Variants in DCAF8L1 observed in about 807,000 individuals in gnomAD.
DCAF8L1 encodes DDB1 and CUL4 associated factor 8 like 1, also known as DDB1- and CUL4-associated factor 8-like protein 1.
For missense variants in DCAF8L1, 434 were observed against 481.6 expected (o/e 0.90, Z 0.92); for synonymous variants, 217 against 186.8 (o/e 1.16, Z -1.32).
At position 27,980,512 on chromosome X, in the gene DCAF8L1, A is replaced by G. The variant is rs748685130; in HGVS notation, c.823T>C (p.Tyr275His). ...GCCACACGCTTAGTATTCTCGCAAT[A>G]TGATGCATTAATTAGTTCTGCTACC... ...VRVAELINAS[Y>H]CENTKRVAKH... Residue 275 changes from tyrosine (Y) to histidine (H), a missense_variant, in exon 1 of 1, where the codon TAT (tyrosine) becomes CAT (histidine). Tyr to His is a moderately conservative substitution (Grantham distance 83). Transcript: ENST00000441525. 7 of 1,211,880 alleles carry G rather than the reference A, an allele frequency of 5.8e-6. No homozygotes were observed. In the Admixed American group the frequency reaches 1.5e-4, roughly 26 times the overall value.
At position 27,978,551 on chromosome X, in the gene DCAF8L1, A is replaced by G. The variant is rs1926572235; in HGVS notation, c.*981T>C. The G allele has an allele frequency of 7.4e-6, 1 of 135,675 alleles. No individual in the cohort carries two copies. Among genetic ancestry groups the G allele is most frequent in the African/African-American group, 3.1e-5 (1 of 31,811 alleles). 11.2% of individuals were successfully genotyped at this position (135,675 alleles called of 1,213,427 possible). ...GAATGTAATCCTGTGGGAGTTCCCA[A>G]CCATAAAACTTCAAGAACATTTAAT... On this transcript the variant is annotated 3_prime_UTR_variant, in exon 1 of 1. Transcript: ENST00000441525.
Position 27,980,737 on chromosome X carries a change from T to C in DCAF8L1, c.598A>G (p.Ser200Gly). The change falls in exon 1 of 1, where the codon AGT (serine) becomes GGT (glycine). Residue 200 changes from serine to glycine, a missense_variant. Physicochemically the swap from Ser to Gly is moderately conservative, Grantham distance 56. Transcript: ENST00000441525. The part of the protein sequence containing the change: ...YLLGSHAGSV[S>G]TIHFNQRGTR... Reference sequence around the variant, plus strand: ...CCACGCTGGTTAAAGTGTATGGTACTGACAGAACCGGCATGGCTTCCAAGA... The same window carrying C: ...CCACGCTGGTTAAAGTGTATGGTACCGACAGAACCGGCATGGCTTCCAAGA... The C allele has an allele frequency of 8.3e-7, 1 of 1,210,946 alleles. No individual in the cohort carries two copies. The highest frequency in any genetic ancestry group is 1.1e-6 in the Non-Finnish European group (1 of 894,978).
chrX:27,978,875 A>T lies in DCAF8L1; in HGVS notation c.*657T>A. On this transcript the variant is annotated 3_prime_UTR_variant, in exon 1 of 1. Coordinates refer to ENST00000441525, the MANE Select transcript of DCAF8L1 (RefSeq NM_001017930.2). Reference sequence around the variant, plus strand: ...AAAATCACAATTAACCAGATGATGAAGAGTGAATTTCTTGAGTACTCCATT... The same window carrying T: ...AAAATCACAATTAACCAGATGATGATGAGTGAATTTCTTGAGTACTCCATT... 1 of 878,567 alleles carries T rather than the reference A, an allele frequency of 1.1e-6. No homozygotes were observed. The highest frequency in any genetic ancestry group is 1.7e-6 in the Non-Finnish European group (1 of 602,842). 72.4% of individuals were successfully genotyped at this position (878,567 alleles called of 1,213,427 possible).
chrX:27,980,792 G>A lies in DCAF8L1; in HGVS notation c.543C>T (p.Thr181=). The part of the protein sequence containing the change: ...RFVYEACGAR[T]FVQRFRLQYL... Reference sequence around the variant, plus strand: ...ACTGCAGGCGGAAACGCTGCACAAAGGTTCTTGCCCCACAGGCCTCATATA... The same window carrying A: ...ACTGCAGGCGGAAACGCTGCACAAAAGTTCTTGCCCCACAGGCCTCATATA... Residue 181 remains threonine, a synonymous_variant, in exon 1 of 1, where the codon ACC becomes ACT. Coordinates refer to ENST00000441525, the MANE Select transcript of DCAF8L1 (RefSeq NM_001017930.2). 1 of 1,209,443 alleles carries A rather than the reference G, an allele frequency of 8.3e-7. No homozygotes were observed. The highest frequency in any genetic ancestry group is 1.8e-5 in the South Asian group (1 of 56,552).
Position 27,978,855 on chromosome X carries a change from C to T in DCAF8L1, c.*677G>A, listed in dbSNP as rs750470650. On this transcript the variant is annotated 3_prime_UTR_variant, in exon 1 of 1. Coordinates refer to ENST00000441525, the MANE Select transcript of DCAF8L1 (RefSeq NM_001017930.2). ...ATGCAGGTGATGTTTGTTGGAAAATCACAATTAACCAGATGATGAAGAGTG... is the reference window on the plus strand; with the variant it reads ...ATGCAGGTGATGTTTGTTGGAAAATTACAATTAACCAGATGATGAAGAGTG... 1.3e-5 allele frequency: 12 copies of T among 902,197 alleles called. No homozygotes were observed. Among genetic ancestry groups the T allele is most frequent in the Non-Finnish European group, 1.8e-5 (11 of 626,458 alleles). 74.4% of individuals were successfully genotyped at this position (902,197 alleles called of 1,213,427 possible).
Position 27,979,086 on chromosome X carries a change from A to G in DCAF8L1, c.*446T>C. 1 of 336,400 alleles carries G rather than the reference A, an allele frequency of 3.0e-6. No individual in the cohort carries two copies. Among genetic ancestry groups the G allele is most frequent in the East Asian group, 5.0e-5 (1 of 19,860 alleles). 27.7% of individuals were successfully genotyped at this position (336,400 alleles called of 1,213,427 possible). A position where few individuals can be genotyped will look rare whatever the true frequency, so the allele number is the denominator to read the frequency against. On this transcript the variant is annotated 3_prime_UTR_variant, in exon 1 of 1. Transcript: ENST00000441525. ...GTGTGTGGCCAAGTGTTAGGAATTA[A>G]TCTACACACTACTTCTCTTTTCCTT...
chrX:27,978,974 T>C lies in DCAF8L1; in HGVS notation c.*558A>G. 1.7e-6 allele frequency: 1 copy of C among 587,308 alleles called. No homozygotes were observed. Among genetic ancestry groups the C allele is most frequent in the Non-Finnish European group, 2.7e-6 (1 of 365,378 alleles). The allele number at this position is 587,308 out of a possible 1,213,427, so 48.4% of individuals were successfully genotyped here. ...ATCATGTCCACCCACTGCGAATTGG[T>C]AAATATTGGCAGGATTCATAGAGAT... is the stretch of plus-strand genomic sequence containing the variant. On this transcript the variant is annotated 3_prime_UTR_variant, in exon 1 of 1. Coordinates refer to ENST00000441525, the MANE Select transcript of DCAF8L1 (RefSeq NM_001017930.2).
Position 27,979,806 on chromosome X carries a change from G to C in DCAF8L1, c.1529C>G (p.Pro510Arg). ...GLDQHVRIWTPTAKTATELTG... is the reference protein window; with the variant it reads ...GLDQHVRIWTRTAKTATELTG... ...AAGCTCAGTGGCAGTTTTAGCTGTG[G>C]GTGTCCAGATCCTGACATGCTGATC... The change falls in exon 1 of 1, where the codon CCC (proline) becomes CGC (arginine). Residue 510 changes from proline to arginine, a missense_variant. Physicochemically the swap from Pro to Arg is moderately radical, Grantham distance 103. Transcript: ENST00000441525. The C allele has an allele frequency of 4.1e-6, 5 of 1,210,611 alleles. No homozygotes were observed. The highest frequency in any genetic ancestry group is 5.6e-6 in the Non-Finnish European group (5 of 895,200).
At position 27,980,036 on chromosome X, in the gene DCAF8L1, C is replaced by T; in HGVS notation, c.1299G>A (p.Gly433=). 10 of 1,210,834 alleles carry T rather than the reference C, an allele frequency of 8.3e-6. No individual in the cohort carries two copies. The highest frequency in any genetic ancestry group is 1.7e-5 in the African/African-American group (1 of 57,524). Residue 433 remains glycine (G), a synonymous_variant, in exon 1 of 1, where the codon GGG becomes GGA. Coordinates refer to ENST00000441525, the MANE Select transcript of DCAF8L1 (RefSeq NM_001017930.2). ...DGAQYVKRYK[G]HRNNDTIKCV... ...ATTTGATTGTGTCATTATTTCTGTGCCCCTTATATCTCTTAACATATTGAG... is the reference window on the plus strand; with the variant it reads ...ATTTGATTGTGTCATTATTTCTGTGTCCCTTATATCTCTTAACATATTGAG...
Position 27,978,953 on chromosome X carries a change from T to C in DCAF8L1, c.*579A>G. ...GTCATAAATCCTTAAAAACCGATCA[T>C]GTCCACCCACTGCGAATTGGTAAAT... On this transcript the variant is annotated 3_prime_UTR_variant, in exon 1 of 1. Transcript: ENST00000441525. The C allele has an allele frequency of 1.5e-6, 1 of 682,399 alleles. No homozygotes were observed. The highest frequency in any genetic ancestry group is 2.3e-6 in the Non-Finnish European group (1 of 443,820). The allele number at this position is 682,399 out of a possible 1,213,427, so 56.2% of individuals were successfully genotyped here.
rs199777052 is a variant in DCAF8L1, at chrX:27,981,256, A to T, written c.79T>A (p.Ser27Thr). The T allele has an allele frequency of 1.1e-4, 128 of 1,207,693 alleles. No homozygotes were observed. The East Asian group carries it at 3.2e-3, about 31-fold the overall frequency. ...GCCGCCGTCACCGCTGCTACTCCAG[A>T]CTGCTCCTCTGGGCTGCTGAACAGG... ...ESLFSSPEEQ[S>T]GVAAVTAASS... Residue 27 changes from serine (S) to threonine (T), a missense_variant, in exon 1 of 1, where the codon TCT becomes ACT. By Grantham distance (58) the Ser-to-Thr change is moderately conservative. Transcript: ENST00000441525.
rs562583726 is a variant in DCAF8L1 at position 27,978,079 on chromosome X, A to G, written c.*1453T>C. 7.1e-5 allele frequency: 8 copies of G among 112,645 alleles called. No individual in the cohort carries two copies. The South Asian group carries it at 2.2e-3, about 30-fold the overall frequency. The allele number at this position is 112,645 out of a possible 1,213,427, so 9.3% of individuals were successfully genotyped here. A position where few individuals can be genotyped will look rare whatever the true frequency, so the allele number is the denominator to read the frequency against. On this transcript the variant is annotated 3_prime_UTR_variant, in exon 1 of 1. Transcript: ENST00000441525. Reference sequence around the variant, plus strand: ...TAAGTAAAGCTTAAGACAATTTTTAAAACAATTTAAACTCGAGGACAGCTG... The same window carrying G: ...TAAGTAAAGCTTAAGACAATTTTTAGAACAATTTAAACTCGAGGACAGCTG...
In DCAF8L1 at chrX:27,979,444, TAATC is replaced by T. The variant is rs1353040299; in HGVS notation, c.*84_*87del. On this transcript the variant is annotated 3_prime_UTR_variant, in exon 1 of 1. Transcript: ENST00000441525. ...AACAGAAGACAAAAAGCAAATCTGT[TAATC>T]AATTGACAATTCTAAATTAGTCAAA... is the stretch of plus-strand genomic sequence containing the variant. 1.2e-5 allele frequency: 13 copies of T among 1,099,982 alleles called. No homozygotes were observed. The highest frequency in any genetic ancestry group is 1.8e-5 in the African/African-American group (1 of 54,166). The allele number at this position is 1,099,982 out of a possible 1,213,427, so 90.7% of individuals were successfully genotyped here.
chrX:27,980,945 C>T lies in DCAF8L1; in HGVS notation c.390G>A (p.Gln130=), dbSNP rs754653650. Reference sequence around the variant, plus strand: ...ACGCCTGATCCTCGTCTAACAAACACTGATCATGGTTGGTGCCACCGCATC... The same window carrying T: ...ACGCCTGATCCTCGTCTAACAAACATTGATCATGGTTGGTGCCACCGCATC... The part of the protein sequence containing the change: ...CPRCGGTNHD[Q]CLLDEDQALE... Residue 130 remains glutamine (Q), a synonymous_variant, in exon 1 of 1, where the codon CAG becomes CAA. Coordinates refer to ENST00000441525, the MANE Select transcript of DCAF8L1 (RefSeq NM_001017930.2). 1 of 1,211,944 alleles carries T rather than the reference C, an allele frequency of 8.3e-7. No homozygotes were observed. The highest frequency in any genetic ancestry group is 1.1e-6 in the Non-Finnish European group (1 of 895,545).
chrX:27,980,795 T>C lies in DCAF8L1; in HGVS notation c.540A>G (p.Arg180=), dbSNP rs1486024404. Residue 180 remains arginine (R), a synonymous_variant, in exon 1 of 1, where the codon AGA becomes AGG. Coordinates refer to ENST00000441525, the MANE Select transcript of DCAF8L1 (RefSeq NM_001017930.2). Reference sequence around the variant, plus strand: ...GCAGGCGGAAACGCTGCACAAAGGTTCTTGCCCCACAGGCCTCATATACAA... The same window carrying C: ...GCAGGCGGAAACGCTGCACAAAGGTCCTTGCCCCACAGGCCTCATATACAA... ...ARFVYEACGA[R]TFVQRFRLQY... 8.3e-7 allele frequency: 1 copy of C among 1,208,123 alleles called. No individual in the cohort carries two copies. Among genetic ancestry groups the C allele is most frequent in the Non-Finnish European group, 1.1e-6 (1 of 894,078 alleles).
chrX:27,980,273 T>C lies in DCAF8L1; in HGVS notation c.1062A>G (p.Gly354=). 8.3e-7 allele frequency: 1 copy of C among 1,211,962 alleles called. No homozygotes were observed. The highest frequency in any genetic ancestry group is 1.8e-5 in the South Asian group (1 of 56,984). The part of the protein sequence containing the change: ...PANIYQFAVG[G]HDQFVRIYDQ... ...CATAAATCCTTACAAACTGATCATG[T>C]CCACCCACTGCAAATTGGTAAATAT... Residue 354 remains glycine, a synonymous_variant, in exon 1 of 1, where the codon GGA becomes GGG. Coordinates refer to ENST00000441525, the MANE Select transcript of DCAF8L1 (RefSeq NM_001017930.2).
At position 27,980,920 on chromosome X, in the gene DCAF8L1, A is replaced by G. The variant is rs138140062; in HGVS notation, c.415T>C (p.Leu139=). 1.0e-4 allele frequency: 122 copies of G among 1,210,153 alleles called. No homozygotes were observed. Among genetic ancestry groups the G allele is most frequent in the East Asian group, 1.2e-4 (4 of 33,653 alleles). The change falls in exon 1 of 1, where the codon TTG becomes CTG. Residue 139 remains leucine, a synonymous_variant. Coordinates refer to ENST00000441525, the MANE Select transcript of DCAF8L1 (RefSeq NM_001017930.2). ...GTCTCTGAGGAAATCCACTCCTCCA[A>G]CGCCTGATCCTCGTCTAACAAACAC... ...DQCLLDEDQA[L]EEWISSETSA... is the part of the protein sequence containing the mutation.
chrX:27,980,736 C>T lies in DCAF8L1; in HGVS notation c.599G>A (p.Ser200Asn). Residue 200 changes from serine to asparagine, a missense_variant, in exon 1 of 1, where the codon AGT becomes AAT. By Grantham distance (46) the Ser-to-Asn change is conservative (BLOSUM62 1). Transcript: ENST00000441525. ...GCCACGCTGGTTAAAGTGTATGGTA[C>T]TGACAGAACCGGCATGGCTTCCAAG... Reference protein sequence around the residue: ...YLLGSHAGSVSTIHFNQRGTR... With the variant: ...YLLGSHAGSVNTIHFNQRGTR... 2.5e-6 allele frequency: 3 copies of T among 1,210,824 alleles called. No homozygotes were observed. The highest frequency in any genetic ancestry group is 3.4e-6 in the Non-Finnish European group (3 of 894,923).
Position 27,979,792 on chromosome X carries a change from C to T in DCAF8L1, c.1543G>A (p.Ala515Thr). ...TCTTTTAACCCAGTAAGCTCAGTGGCAGTTTTAGCTGTGGGTGTCCAGATC... is the reference window on the plus strand; with the variant it reads ...TCTTTTAACCCAGTAAGCTCAGTGGTAGTTTTAGCTGTGGGTGTCCAGATC... The part of the protein sequence containing the change: ...VRIWTPTAKT[A>T]TELTGLKDVI... Residue 515 changes from alanine (A) to threonine (T), a missense_variant, in exon 1 of 1, where the codon GCC (alanine) becomes ACC (threonine). Coordinates refer to ENST00000441525, the MANE Select transcript of DCAF8L1 (RefSeq NM_001017930.2). 10 of 1,210,772 alleles carry T rather than the reference C, an allele frequency of 8.3e-6. No homozygotes were observed. The highest frequency in any genetic ancestry group is 1.7e-5 in the African/African-American group (1 of 57,688).
Sources: gnomAD v4.1 joint callset for allele counts on GRCh38, gnomAD v4.1.1 for gene constraint, MANE v1.5 for transcripts, NCBI Gene and HGNC (gene_info 2026-07-23, HGNC 2026-07-21) for gene names.